KCNK13: variants seen among roughly 807,000 people sequenced by gnomAD.
The protein encoded by KCNK13 is potassium two pore domain channel subfamily K member 13, also known as potassium channel subfamily K member 13.
Under a neutral mutation model 23.4 loss-of-function variants are expected in KCNK13, and 12 were observed. That is an observed-to-expected ratio of 0.51 (90% CI 0.33 to 0.83). The LOEUF is 0.83. Among genes scored for constraint, KCNK13 ranks in the 40% least tolerant of loss-of-function variants. The probability of loss-of-function intolerance (pLI) is 0.02; values close to 1 mark genes in which losing one functional copy is unlikely to be tolerated. For missense variants in KCNK13, 463 were observed against 556.3 expected (o/e 0.83, Z 1.69); for synonymous variants, 231 against 229.5 (o/e 1.01, Z -0.06).
At chr14:90,075,624 G>A (rs1379267116) in intron 1 of KCNK13, among the ~76,000 whole-genome samples, 11 of 151,900 alleles carry the variant, frequency 7.2e-5, no homozygotes, top group Admixed American at 4.6e-4. Context: ...GATTACAGGC[G>A]TGCACCACCA....
At position 90,184,521 on chromosome 14, in the gene KCNK13, G is replaced by A. The variant is rs115329697; in HGVS notation, c.745G>A (p.Ala249Thr). ...TGGGGACCTGGTCAGCAGCCAGAAC[G>A]CCCACTATGAGAGCCAAGGCCTCTA... ...GFGDLVSSQN[A>T]HYESQGLYRF... is the part of the protein sequence containing the mutation. Residue 249 changes from alanine (A) to threonine (T), a missense_variant, in exon 2 of 2, where the codon GCC becomes ACC. Physicochemically the swap from Ala to Thr is moderately conservative, Grantham distance 58. This residue lies in a region of KCNK13 where 144 missense variants were observed against 224.0 expected (regional missense o/e 0.64). Transcript: ENST00000282146. This position sits in a 1 kb window ranked among gnomAD's most constrained non-coding sequence, Gnocchi z 5.6. 4.7e-4 allele frequency: 762 copies of A among 1,614,248 alleles called. No individual in the cohort carries two copies. Among genetic ancestry groups the A allele is most frequent in the African/African-American group, 1.5e-3 (112 of 75,066 alleles).
chr14:90,116,331 C>T (rs28565005), intron 1 of KCNK13, among the ~76,000 whole-genome samples: 41 of 152,170 alleles, frequency 2.7e-4, no homozygotes, highest in African/African-American at 9.9e-4. Context: ...TGGCAATTTG[C>T]TCATAAATAT....
rs776706759 is a variant in KCNK13, at chr14:90,099,263, G to A, written c.334+36724G>A. Among the ~76,000 whole-genome samples, 41 of 152,220 alleles carry A rather than the reference G, an allele frequency of 2.7e-4. 1 individual carries two copies. The highest frequency in any genetic ancestry group is 1.5e-4 in the Non-Finnish European group (10 of 68,016). On this transcript the variant is annotated intron_variant, in intron 1 of 1. Transcript: ENST00000282146. ...TTTCTCAGCGCAGTTGAACTTTCAC[G>A]TGAGGAATGTTCAGGACTGTGCATT...
chr14:90,161,301 G>A (rs544354165), intron 1 of KCNK13, among the ~76,000 whole-genome samples: 2 of 152,272 alleles, frequency 1.3e-5, no homozygotes, highest in South Asian at 4.1e-4. Flanking sequence ...AGTGGGGCGA[G>A]GGAACAGGGA....
chr14:90,141,796 G>GGGC (rs1555352006), intron 1 of KCNK13, among the ~76,000 whole-genome samples: 6 of 145,320 alleles, frequency 4.1e-5, no homozygotes, highest in Non-Finnish European at 9.1e-5. Context: ...TTGTTTTTTG[G>GGGC]GGGGGGGGAC....
chr14:90,163,254 G>A (rs1028891309), intron 1 of KCNK13, among the ~76,000 whole-genome samples: 2 of 152,190 alleles, frequency 1.3e-5, no homozygotes, highest in African/African-American at 4.8e-5. Flanking sequence ...GAGAAAAGTA[G>A]AGTCACAGAA....
At chr14:90,104,972 T>A (rs1268470078) in intron 1 of KCNK13, among the ~76,000 whole-genome samples, 1 of 151,322 alleles carries the variant, frequency 6.6e-6, no homozygotes, top group African/African-American at 2.4e-5. Context: ...TGTTTTTCAG[T>A]AGAGATGGGG....
chr14:90,146,430 C>T (rs1158191918), intron 1 of KCNK13, among the ~76,000 whole-genome samples: 1 of 152,140 alleles, frequency 6.6e-6, no homozygotes, highest in Non-Finnish European at 1.5e-5. Context: ...ATTCTCCTGT[C>T]TCAGCCTCCC....
intron 1 of KCNK13, among the ~76,000 whole-genome samples, chr14:90,183,240 A>G (rs984967674): frequency 3.9e-5 from 6 of 152,204 alleles, no homozygotes; most frequent in African/African-American, 7.2e-5. Flanking sequence ...ATAGCATCCA[A>G]TACTTCTGTT....
At chr14:90,090,734 GA>G (rs1361145948) in intron 1 of KCNK13, among the ~76,000 whole-genome samples, 4 of 152,200 alleles carry the variant, frequency 2.6e-5, no homozygotes, top group Non-Finnish European at 4.4e-5. Flanking sequence ...TTGAATCATG[GA>G]GGTGGGTTTT....
chr14:90,114,432 A>G (rs759697838), intron 1 of KCNK13, among the ~76,000 whole-genome samples: 2 of 152,182 alleles, frequency 1.3e-5, no homozygotes, highest in Non-Finnish European at 2.9e-5. Context: ...GGTCTGGGGC[A>G]TGACCTCGGC....
intron 1 of KCNK13, among the ~76,000 whole-genome samples, chr14:90,082,377 T>C (rs927697962): frequency 4.6e-5 from 7 of 152,168 alleles, no homozygotes; most frequent in Non-Finnish European, 7.4e-5. Context: ...CTCTTTTCTT[T>C]ATTAATTATC....
At position 90,062,105 on chromosome 14, in the gene KCNK13, G is replaced by C. The variant is rs2140383368; in HGVS notation, c.-101G>C. On this transcript the variant is annotated 5_prime_UTR_variant, in exon 1 of 2. Coordinates refer to ENST00000282146, the MANE Select transcript of KCNK13 (RefSeq NM_022054.4). This position sits in a 1 kb window ranked among gnomAD's most constrained non-coding sequence, Gnocchi z 4.5. ...GGCGAGCCGGCGGTGGGGCGCCCGG[G>C]AGCTGGCTGAGCGCCGGGGCCCTTA... The C allele has an allele frequency of 2.6e-6, 2 of 783,182 alleles. No individual in the cohort carries two copies. Among genetic ancestry groups the C allele is most frequent in the Non-Finnish European group, 3.5e-6 (2 of 564,142 alleles). 48.5% of individuals were successfully genotyped at this position (783,182 alleles called of 1,614,324 possible).
At chr14:90,070,912 G>A (rs929850540) in intron 1 of KCNK13, among the ~76,000 whole-genome samples, 4 of 152,122 alleles carry the variant, frequency 2.6e-5, no homozygotes, top group Non-Finnish European at 4.4e-5. Flanking sequence ...CTAAAATTTC[G>A]TGGGGAAGCT....
At chr14:90,168,586 G>A (rs1400478348) in intron 1 of KCNK13, among the ~76,000 whole-genome samples, 1 of 152,132 alleles carries the variant, frequency 6.6e-6, no homozygotes, top group Admixed American at 6.5e-5. Context: ...CATTGCATCA[G>A]ATCACTATTA....
At chr14:90,126,136 C>G (rs976593953) in intron 1 of KCNK13, among the ~76,000 whole-genome samples, 11 of 151,860 alleles carry the variant, frequency 7.2e-5, no homozygotes, top group Non-Finnish European at 1.5e-4. Flanking sequence ...TAAGTCCACA[C>G]TGATTTAAGT....
intron 1 of KCNK13, among the ~76,000 whole-genome samples, chr14:90,149,139 C>T (rs1188607939): frequency 1.3e-5 from 2 of 152,098 alleles, no homozygotes; most frequent in African/African-American, 2.4e-5. Flanking sequence ...GGGTGGATCA[C>T]GGGGTCAGGG....
intron 1 of KCNK13, among the ~76,000 whole-genome samples, chr14:90,169,031 A>C (rs963273435): frequency 8.5e-5 from 13 of 152,200 alleles, no homozygotes; most frequent in African/African-American, 2.9e-4. Context: ...GCTGTGAGTC[A>C]ATTAAATTTC....
intron 1 of KCNK13, among the ~76,000 whole-genome samples, chr14:90,171,753 G>A (rs1237449158): frequency 1.3e-5 from 2 of 152,210 alleles, no homozygotes; most frequent in Non-Finnish European, 2.9e-5. Context: ...CCAAAGGGAA[G>A]CAATCAGATA....
Sources: gnomAD v4.1 joint callset for allele counts (sites outside exome capture counted in the v4.1 genomes callset) on GRCh38, gnomAD v4.1.1 for gene constraint, gnomAD v4.1.1 regional missense constraint, Gnocchi (gnomAD v3.1) non-coding constraint, MANE v1.5 for transcripts, NCBI Gene and HGNC (gene_info 2026-07-23, HGNC 2026-07-21) for gene names.